LDLRAD4: variants seen among roughly 807,000 people sequenced by gnomAD.
The protein encoded by LDLRAD4 is low-density lipoprotein receptor class A domain-containing protein 4.
A neutral mutation model predicts 17.0 loss-of-function variants in LDLRAD4; 5 were observed. The observed-to-expected ratio is 0.29, with a 90% CI of 0.15 to 0.62. LDLRAD4 has a LOEUF of 0.62. LDLRAD4 is among the 20% of genes least tolerant of loss of function. The pLI, the probability that LDLRAD4 is intolerant of heterozygous loss-of-function variation, is 0.84. For missense variants in LDLRAD4, 340 were observed against 424.7 expected (o/e 0.80, Z 1.75); for synonymous variants, 168 against 171.8 (o/e 0.98, Z 0.17).
intron 3 of LDLRAD4, among the ~76,000 whole-genome samples, chr18:13,537,055 C>A (rs1192730977): frequency 6.6e-6 from 1 of 152,048 alleles, no homozygotes; most frequent in African/African-American, 2.4e-5. Flanking sequence ...TTGCATCTGG[C>A]TTCATTAGAG....
intron 1 of LDLRAD4, among the ~76,000 whole-genome samples, chr18:13,338,771 T>C (rs1251177188): frequency 6.6e-6 from 1 of 152,134 alleles, no homozygotes; most frequent in Non-Finnish European, 1.5e-5. Context: ...GCTCGTGTGT[T>C]TTTTTGTTTG....
Position 13,367,875 on chromosome 18 carries a change from G to A in LDLRAD4, c.-382-19466G>A, listed in dbSNP as rs549396089. Among the ~76,000 whole-genome samples the A allele has an allele frequency of 5.3e-5, 8 of 151,984 alleles. No homozygotes were observed. Among genetic ancestry groups the A allele is most frequent in the Non-Finnish European group, 7.4e-5 (5 of 67,944 alleles). On this transcript the variant is annotated intron_variant, in intron 1 of 5. Coordinates refer to ENST00000359446, the Ensembl canonical transcript of LDLRAD4. The surrounding 1 kb of genome is among the most constrained non-coding windows in gnomAD (Gnocchi z 4.1). ...ATCAAGGGGTGTATCGAGAGGGGACGACTGGGCATGGGGGCGTGTGCCTGT... is the reference window on the plus strand; with the variant it reads ...ATCAAGGGGTGTATCGAGAGGGGACAACTGGGCATGGGGGCGTGTGCCTGT...
intron 3 of LDLRAD4, among the ~76,000 whole-genome samples, chr18:13,550,443 G>A (rs1177961328): frequency 2.6e-5 from 4 of 152,240 alleles, no homozygotes; most frequent in Admixed American, 6.5e-5. Context: ...GTGGAGAGAC[G>A]TAATACTGGG....
chr18:13,397,928 GATTA>G (rs1172361840), intron 2 of LDLRAD4, among the ~76,000 whole-genome samples: 1 of 152,242 alleles, frequency 6.6e-6, no homozygotes, highest in Non-Finnish European at 1.5e-5. Context: ...AAGGAGTGAA[GATTA>G]ATTGTCTGCC....
intron 1 of LDLRAD4, among the ~76,000 whole-genome samples, chr18:13,335,473 A>G (rs2143866497): frequency 6.6e-6 from 1 of 152,290 alleles, no homozygotes; most frequent in East Asian, 1.9e-4. Flanking sequence ...CTCTCCCCCA[A>G]CACTACAATT....
chr18:13,521,687 A>G (rs1205677195), intron 3 of LDLRAD4: 3 of 152,100 alleles, frequency 2.0e-5, no homozygotes, highest in Admixed American at 2.0e-4. Context: ...GCACGTGACG[A>G]GGAGTCATCT....
chr18:13,305,037 A>G (rs1287335561), intron 1 of LDLRAD4, among the ~76,000 whole-genome samples: 1 of 152,116 alleles, frequency 6.6e-6, no homozygotes, highest in East Asian at 1.9e-4. Flanking sequence ...TATATTGGAA[A>G]TTTTTGGAGA....
intron 3 of LDLRAD4, chr18:13,486,816 C>G (rs1487320128): frequency 6.6e-6 from 1 of 152,042 alleles, no homozygotes; most frequent in Non-Finnish European, 1.5e-5. Flanking sequence ...CAAAAAAAGC[C>G]CCAGAACTCA....
chr18:13,567,294 T>TA (rs2094617309), intron 3 of LDLRAD4, among the ~76,000 whole-genome samples: 1 of 152,212 alleles, frequency 6.6e-6, no homozygotes, highest in Non-Finnish European at 1.5e-5. Context: ...CTTCCTAATC[T>TA]AACAGTGTCT....
chr18:13,551,345 C>G (rs1295918994), intron 3 of LDLRAD4, among the ~76,000 whole-genome samples: 3 of 152,092 alleles, frequency 2.0e-5, no homozygotes, highest in Admixed American at 2.0e-4. Flanking sequence ...TGTGTCCTAC[C>G]GAGGATCTGT....
intron 1 of LDLRAD4, among the ~76,000 whole-genome samples, chr18:13,319,801 C>T (rs912358875): frequency 6.6e-6 from 1 of 152,148 alleles, no homozygotes; most frequent in Non-Finnish European, 1.5e-5. Context: ...TTGGAAACCC[C>T]GCATGAGATG....
At chr18:13,285,083 A>G (rs1156691811) in intron 1 of LDLRAD4, among the ~76,000 whole-genome samples, 1 of 152,162 alleles carries the variant, frequency 6.6e-6, no homozygotes, top group African/African-American at 2.4e-5. Context: ...AATTTGTTAT[A>G]TAGTTCTTAC....
intron 1 of LDLRAD4, among the ~76,000 whole-genome samples, chr18:13,329,697 A>T (rs1190628776): frequency 6.6e-6 from 1 of 152,214 alleles, no homozygotes; most frequent in African/African-American, 2.4e-5. Flanking sequence ...CTGCTGTGGT[A>T]TGAGTTACGG....
chr18:13,518,030 G>A (rs1031267662), intron 3 of LDLRAD4, among the ~76,000 whole-genome samples: 7 of 152,154 alleles, frequency 4.6e-5, no homozygotes, highest in South Asian at 2.1e-4. Context: ...CACCGCGCCC[G>A]GCCATGACTT....
Position 13,282,382 on chromosome 18 carries a change from C to T in LDLRAD4, c.-383+4194C>T, listed in dbSNP as rs190684571. Among the ~76,000 whole-genome samples, 11 of 152,312 alleles carry T rather than the reference C, an allele frequency of 7.2e-5. No homozygotes were observed. The East Asian group carries it at 1.5e-3, about 21-fold the overall frequency. On this transcript the variant is annotated intron_variant, in intron 1 of 5. Coordinates refer to ENST00000359446, the Ensembl canonical transcript of LDLRAD4. ...AGGCAAGTCCCTTCTGCCTGTGAGC[C>T]TGTAAAATCAAAAGCAAGCTAGTTA...
At chr18:13,520,614 A>T (rs139826895) in intron 3 of LDLRAD4, 6 of 152,334 alleles carry the variant, frequency 3.9e-5, no homozygotes, top group African/African-American at 1.4e-4. Context: ...GCACTTTGGG[A>T]GGCCAAGATG....
chr18:13,531,504 C>T (rs566256692), intron 3 of LDLRAD4, among the ~76,000 whole-genome samples: 3 of 149,382 alleles, frequency 2.0e-5, no homozygotes, highest in Middle Eastern at 3.5e-3. Context: ...GCAAGAGGAT[C>T]ACTTTAGGCC....
chr18:13,387,612 G>A (rs866461324), exon 2 of LDLRAD4: 7 of 999,330 alleles, frequency 7.0e-6, no homozygotes, highest in African/African-American at 6.3e-5. Context: ...GGCCGGCCCA[G>A]CAGAGCGATG....
Position 13,440,853 on chromosome 18 carries a change from G to C in LDLRAD4, c.181+2469G>C, listed in dbSNP as rs1166430531. On this transcript the variant is annotated intron_variant, in intron 3 of 5. Coordinates refer to ENST00000359446, the Ensembl canonical transcript of LDLRAD4. The surrounding 1 kb of genome is among the most constrained non-coding windows in gnomAD (Gnocchi z 4.4). Reference sequence around the variant, plus strand: ...TCAGAGCCATTGTGTACACGGAGCAGGAATTCACGGGTGTCCACAAGTGCA... The same window carrying C: ...TCAGAGCCATTGTGTACACGGAGCACGAATTCACGGGTGTCCACAAGTGCA... 5.9e-5 allele frequency among the ~76,000 whole-genome samples: 9 copies of C among 152,344 alleles called. No individual in the cohort carries two copies. The highest frequency in any genetic ancestry group is 1.9e-4 in the African/African-American group (8 of 41,574).
Sources: allele counts gnomAD v4.1 joint callset (sites outside exome capture counted in the v4.1 genomes callset), GRCh38; gene constraint gnomAD v4.1.1; non-coding constraint Gnocchi (gnomAD v3.1); transcripts MANE v1.5; gene names NCBI Gene and HGNC (gene_info 2026-07-23, HGNC 2026-07-21).